Variants in CNTN6 observed in about 807,000 individuals in gnomAD.
CNTN6 encodes contactin 6, also known as contactin-6.
A neutral mutation model predicts 122.8 loss-of-function variants in CNTN6; 137 were observed. The ratio of observed to expected loss-of-function variants is 1.12; its 90% CI spans 0.97 to 1.29. The LOEUF (loss-of-function observed/expected upper bound fraction) is 1.29, where lower values mean the gene tolerates loss of function less well. Ranked by LOEUF, CNTN6 falls within the 50% of genes most tolerant of loss-of-function variation. CNTN6 has a pLI of 0.00. For missense variants in CNTN6, 1,634 were observed against 1,223.4 expected, an observed-to-expected ratio of 1.34 and a Z score of -5.01; for synonymous variants, 570 against 426.0, an observed-to-expected ratio of 1.34 and a Z score of -4.16.
chr3:1,301,990 G>A (rs551974), intron 7 of CNTN6, among the ~76,000 whole-genome samples: 1 of 151,984 alleles, frequency 6.6e-6, no homozygotes, highest in African/African-American at 2.4e-5. Context: ...AAGGTATTTA[G>A]CAAATGCCAT....
Position 1,311,387 on chromosome 3 carries a change from T to TATATACATAC in CNTN6, c.762-10261_762-10260insATACATACAT, listed in dbSNP as rs1262745209. ...TATATGTACATATAAAATGTCTTTA[T>TATATACATAC]ATGTACATATATGTACATATAAAAT... On this transcript the variant is annotated intron_variant, in intron 7 of 22. Coordinates refer to ENST00000446702, the MANE Select transcript of CNTN6 (RefSeq NM_001289080.2). Among the ~76,000 whole-genome samples, 21 of 101,340 alleles carry TATATACATAC rather than the reference T, an allele frequency of 2.1e-4. 1 individual carries two copies. The highest frequency in any genetic ancestry group is 6.2e-4 in the African/African-American group (16 of 25,942). 66.5% of individuals were successfully genotyped at this position (101,340 alleles called of 152,430 possible).
In CNTN6 at chr3:1,371,374, CT is replaced by C. The variant is rs980671438; in HGVS notation, c.1493-922del. On this transcript the variant is annotated intron_variant, in intron 12 of 22. Coordinates refer to ENST00000446702, the MANE Select transcript of CNTN6 (RefSeq NM_001289080.2). ...TTTTTTACAATAACTTGCCTAAAAC[CT>C]TTATTCTTAAATGTAAATCTTTCAA... Among the ~76,000 whole-genome samples the C allele has an allele frequency of 9.2e-5, 14 of 151,936 alleles. No individual in the cohort carries two copies. The East Asian group carries it at 2.3e-3, about 25-fold the overall frequency.
intron 5 of CNTN6, among the ~76,000 whole-genome samples, chr3:1,283,064 C>T (rs1311005719): frequency 6.6e-6 from 1 of 152,068 alleles, no homozygotes; most frequent in Non-Finnish European, 1.5e-5. Context: ...TCTCCACCTC[C>T]CTGGTTCAAG....
chr3:1,197,666 G>C (rs898281187), intron 2 of CNTN6, among the ~76,000 whole-genome samples: 1 of 152,136 alleles, frequency 6.6e-6, no homozygotes, highest in Non-Finnish European at 1.5e-5. Context: ...AGTGATAAGG[G>C]GTGAGGGCTC....
chr3:1,160,574 A>T (rs2093108357), intron 2 of CNTN6, among the ~76,000 whole-genome samples: 1 of 151,200 alleles, frequency 6.6e-6, no homozygotes, highest in Non-Finnish European at 1.5e-5. Flanking sequence ...TGTTTTTAAA[A>T]GGACCTAAGT....
intron 4 of CNTN6, among the ~76,000 whole-genome samples, chr3:1,255,327 T>C (rs990818140): frequency 6.6e-6 from 1 of 151,336 alleles, no homozygotes; most frequent in Admixed American, 6.6e-5. Flanking sequence ...CATGGTGATA[T>C]GAGGAATGGG....
chr3:1,114,734 A>T (rs1373532787), intron 1 of CNTN6, among the ~76,000 whole-genome samples: 1 of 152,030 alleles, frequency 6.6e-6, no homozygotes. Context: ...GAGCAAAGAC[A>T]TTTTTTTTGC....
chr3:1,158,799 T>C (rs59120131), intron 2 of CNTN6, among the ~76,000 whole-genome samples: 17,366 of 67,952 alleles, frequency 0.26, 1,935 homozygotes, highest in East Asian at 0.34. Flanking sequence ...TGTGTATATA[T>C]ATACACACAT....
At chr3:1,113,463 G>A (rs1256387292) in intron 1 of CNTN6, among the ~76,000 whole-genome samples, 1 of 152,098 alleles carries the variant, frequency 6.6e-6, no homozygotes, top group African/African-American at 2.4e-5. Flanking sequence ...GAGACTGGGA[G>A]TAATTAATGC....
chr3:1,372,805 C>T (rs557092528), intron 13 of CNTN6, 33 bp from the exon 14 acceptor site: 40 of 1,311,856 alleles, frequency 3.0e-5, no homozygotes, highest in South Asian at 2.6e-4. Context: ...TATGGGCTTA[C>T]GTTTTTATCC....
At chr3:1,144,160 G>T (rs1451374834) in intron 1 of CNTN6, among the ~76,000 whole-genome samples, 1 of 152,136 alleles carries the variant, frequency 6.6e-6, no homozygotes, top group Non-Finnish European at 1.5e-5. Context: ...GGTGTTTATC[G>T]TCAAGGTAAA....
At chr3:1,322,505 C>T (rs973203141) in intron 8 of CNTN6, among the ~76,000 whole-genome samples, 2 of 150,730 alleles carry the variant, frequency 1.3e-5, no homozygotes, top group East Asian at 3.9e-4. Flanking sequence ...TTAAAAGATC[C>T]TTAACTTCTT....
chr3:1,157,864 T>A (rs1240928850), intron 2 of CNTN6, among the ~76,000 whole-genome samples: 1 of 152,342 alleles, frequency 6.6e-6, no homozygotes, highest in Admixed American at 6.5e-5. Flanking sequence ...CCATTTTGCA[T>A]ACGCACCACA....
intron 7 of CNTN6, among the ~76,000 whole-genome samples, chr3:1,299,002 T>G (rs902970535): frequency 2.0e-5 from 3 of 152,298 alleles, no homozygotes; most frequent in Non-Finnish European, 1.5e-5. Flanking sequence ...TTAAACATAC[T>G]CAGCAATCCA....
chr3:1,183,227 T>C (rs2093582800), intron 2 of CNTN6, among the ~76,000 whole-genome samples: 1 of 152,130 alleles, frequency 6.6e-6, no homozygotes. Context: ...CAGAAAAATA[T>C]AAACATAGTA....
chr3:1,192,052 A>G (rs573247668), intron 2 of CNTN6, among the ~76,000 whole-genome samples: 1 of 152,272 alleles, frequency 6.6e-6, no homozygotes, highest in African/African-American at 2.4e-5. Flanking sequence ...TGTATCTCAA[A>G]TAACTCTTCA....
intron 7 of CNTN6, among the ~76,000 whole-genome samples, chr3:1,309,990 G>T (rs1698977760): frequency 6.6e-6 from 1 of 152,050 alleles, no homozygotes; most frequent in East Asian, 1.9e-4. Flanking sequence ...ATTGTATCTT[G>T]TTGCCTTGCT....
chr3:1,392,143 T>TA (rs1185762851), intron 20 of CNTN6, among the ~76,000 whole-genome samples: 2 of 152,388 alleles, frequency 1.3e-5, no homozygotes, highest in East Asian at 3.9e-4. Context: ...TCACACTACC[T>TA]GACTTCAAAC....
chr3:1,357,795 CATTT>C (rs1258860338), intron 12 of CNTN6, among the ~76,000 whole-genome samples: 1 of 151,682 alleles, frequency 6.6e-6, no homozygotes, highest in Non-Finnish European at 1.5e-5. Context: ...TGTAAAAATT[CATTT>C]GAGTGCAATA....
Sources: gnomAD v4.1 joint callset for allele counts (sites outside exome capture counted in the v4.1 genomes callset) on GRCh38, gnomAD v4.1.1 for gene constraint, MANE v1.5 for transcripts, NCBI Gene and HGNC (gene_info 2026-07-23, HGNC 2026-07-21) for gene names.